MAGI2: variants seen among roughly 807,000 people sequenced by gnomAD.
MAGI2 encodes membrane associated guanylate kinase, WW and PDZ domain containing 2.
In MAGI2, 35 loss-of-function variants were observed where a neutral mutation model predicts 133.3. The observed-to-expected ratio is 0.26, with a 90% CI of 0.20 to 0.35. The LOEUF (loss-of-function observed/expected upper bound fraction) is 0.35, where lower values mean the gene tolerates loss of function less well. MAGI2 is among the 10% of genes least tolerant of loss of function. MAGI2 has a pLI of 1.00. For missense variants in MAGI2, 1,636 were observed against 1,863.4 expected (o/e 0.88, Z 2.25); for synonymous variants, 729 against 710.6 (o/e 1.03, Z -0.41).
intron 2 of MAGI2, among the ~76,000 whole-genome samples, chr7:78,683,282 AGAT>A (rs1244734157): frequency 6.6e-6 from 1 of 152,222 alleles, no homozygotes; most frequent in East Asian, 1.9e-4. Context: ...AGTGCTACAA[AGAT>A]GATATTAGGA....
At chr7:78,889,044 G>A (rs1796508298) in intron 2 of MAGI2, among the ~76,000 whole-genome samples, 1 of 152,178 alleles carries the variant, frequency 6.6e-6, no homozygotes, top group Admixed American at 6.5e-5. Context: ...AGGACATGAT[G>A]GAGCTGAAAA....
At chr7:79,252,156 C>CAAAAAAAAAAAAAAAAAAAAAAA (rs1208897198) in intron 1 of MAGI2, among the ~76,000 whole-genome samples, 1 of 102,596 alleles carries the variant, frequency 9.7e-6, no homozygotes, top group South Asian at 3.4e-4. Context: ...GACCCTGTCT[C>CAAAAAAAAAAAAAAAAAAAAAAA]AAAAAAAAAA....
chr7:78,335,780 A>C (rs1378723302), intron 9 of MAGI2, among the ~76,000 whole-genome samples: 1 of 152,178 alleles, frequency 6.6e-6, no homozygotes, highest in Non-Finnish European at 1.5e-5. Flanking sequence ...ATAAAGAAAG[A>C]GTATAAAACT....
intron 21 of MAGI2, among the ~76,000 whole-genome samples, chr7:78,022,134 A>G (rs929207353): frequency 9.2e-5 from 14 of 152,240 alleles, no homozygotes; most frequent in African/African-American, 2.4e-4. Context: ...AATATATCCA[A>G]TGAAAATGAG....
chr7:78,954,432 G>A (rs1297483761), intron 2 of MAGI2, among the ~76,000 whole-genome samples: 1 of 152,082 alleles, frequency 6.6e-6, no homozygotes, highest in African/African-American at 2.4e-5. Flanking sequence ...CCACAGTTAA[G>A]GAGGTCAGGG....
At chr7:79,051,068 G>A (rs966835526) in intron 1 of MAGI2, among the ~76,000 whole-genome samples, 1 of 152,048 alleles carries the variant, frequency 6.6e-6, no homozygotes. Flanking sequence ...ATCCCCTCTT[G>A]GCTAAAATGA....
intron 3 of MAGI2, chr7:78,568,253 T>C (rs1306200902): frequency 1.3e-5 from 2 of 152,204 alleles, no homozygotes; most frequent in African/African-American, 4.8e-5. Context: ...TTCAGTCTTA[T>C]GGATTTAAAT....
chr7:78,906,954 T>C (rs772959791), intron 2 of MAGI2, among the ~76,000 whole-genome samples: 14 of 152,232 alleles, frequency 9.2e-5, no homozygotes, highest in African/African-American at 1.4e-4. Context: ...CTGAGTGTTG[T>C]TACTATGGGT....
intron 1 of MAGI2, among the ~76,000 whole-genome samples, chr7:79,107,298 G>A (rs920366264): frequency 6.6e-5 from 10 of 152,296 alleles, no homozygotes; most frequent in African/African-American, 2.2e-4. Flanking sequence ...AATGAAAGAT[G>A]CTTCTAGCCT....
At chr7:78,523,010 A>AATAGGAGAAAGCACTGCAATGGAGGAGAT (rs1796639881) in intron 3 of MAGI2, among the ~76,000 whole-genome samples, 1 of 152,116 alleles carries the variant, frequency 6.6e-6, no homozygotes, top group South Asian at 2.1e-4. Context: ...TATAACAGGA[A>AATAGGAGAAAGCACTGCAATGGAGGAGAT]ATAGGAGAAA....
chr7:78,446,518 CA>C (rs1218434832), intron 6 of MAGI2, among the ~76,000 whole-genome samples: 2 of 151,988 alleles, frequency 1.3e-5, no homozygotes, highest in Non-Finnish European at 2.9e-5. Flanking sequence ...ATCTCAACAG[CA>C]AAATGGATAC....
At chr7:79,237,472 C>G (rs1056577283) in intron 1 of MAGI2, among the ~76,000 whole-genome samples, 1 of 152,170 alleles carries the variant, frequency 6.6e-6, no homozygotes, top group Non-Finnish European at 1.5e-5. Context: ...GTTTTATACA[C>G]TCAAGTTAGA....
chr7:79,093,215 G>C (rs1179977750), intron 1 of MAGI2, among the ~76,000 whole-genome samples: 3 of 151,462 alleles, frequency 2.0e-5, no homozygotes, highest in East Asian at 3.9e-4. Context: ...GAGAAGCTCA[G>C]TTCTGAGAAA....
chr7:78,147,173 G>A (rs756339489), intron 16 of MAGI2, among the ~76,000 whole-genome samples: 19 of 152,100 alleles, frequency 1.2e-4, no homozygotes, highest in Non-Finnish European at 2.4e-4. Flanking sequence ...ATGCAATTTC[G>A]CATGACTGGA....
intron 13 of MAGI2, among the ~76,000 whole-genome samples, chr7:78,179,818 T>C (rs7798166): frequency 0.28 from 42,389 of 152,156 alleles, 6,459 homozygotes; most frequent in South Asian, 0.36. Flanking sequence ...ATGAAAATTT[T>C]GCCTTACATT....
At chr7:79,390,913 C>T (rs191568991) in intron 1 of MAGI2, among the ~76,000 whole-genome samples, 1 of 152,180 alleles carries the variant, frequency 6.6e-6, no homozygotes, top group East Asian at 1.9e-4. Flanking sequence ...CTTTTGAGTC[C>T]CCAGCCATCA....
intron 4 of MAGI2, among the ~76,000 whole-genome samples, chr7:78,508,476 T>G (rs777291788): frequency 6.6e-6 from 1 of 152,242 alleles, no homozygotes; most frequent in Non-Finnish European, 1.5e-5. Context: ...GGCTTAAATT[T>G]TTTAAAAATG....
chr7:78,666,151 T>C (rs1187453818), intron 2 of MAGI2, among the ~76,000 whole-genome samples: 1 of 152,160 alleles, frequency 6.6e-6, no homozygotes, highest in Non-Finnish European at 1.5e-5. Flanking sequence ...GTTTGGAACT[T>C]TATAGCTTCC....
intron 2 of MAGI2, among the ~76,000 whole-genome samples, chr7:78,749,804 G>A (rs559896885): frequency 1.3e-5 from 2 of 152,214 alleles, no homozygotes; most frequent in South Asian, 4.1e-4. Flanking sequence ...GAAGGAGGCA[G>A]GGAGAACTCC....
Sources: gnomAD v4.1 joint callset for allele counts (sites outside exome capture counted in the v4.1 genomes callset) on GRCh38, gnomAD v4.1.1 for gene constraint, MANE v1.5 for transcripts, NCBI Gene and HGNC (gene_info 2026-07-23, HGNC 2026-07-21) for gene names.